The following KIAA1614 variants were observed in gnomAD, a reference collection of about 807,000 sequenced individuals.
The protein encoded by KIAA1614 is KIAA1614.
Under a neutral mutation model 88.7 loss-of-function variants are expected in KIAA1614, and 76 were observed. The observed-to-expected ratio is 0.86, with a 90% confidence interval of 0.71 to 1.04. KIAA1614 has a LOEUF of 1.04. Among genes scored for constraint, KIAA1614 ranks in the 50% least tolerant of loss-of-function variants. The pLI, the probability that KIAA1614 is intolerant of heterozygous loss-of-function variation, is 0.00. For missense variants in KIAA1614, 1,553 were observed against 1,582.5 expected, an observed-to-expected ratio of 0.98 and a Z score of 0.32; for synonymous variants, 714 against 675.5, an observed-to-expected ratio of 1.06 and a Z score of -0.88.
rs998876336 is a variant in KIAA1614 at position 180,948,073 on chromosome 1, C to T, written c.*2485C>T. 1.3e-5 allele frequency: 2 copies of T among 152,272 alleles called. No individual in the cohort carries two copies. Among genetic ancestry groups the T allele is most frequent in the African/African-American group, 4.8e-5 (2 of 41,456 alleles). 9.4% of individuals were successfully genotyped at this position (152,272 alleles called of 1,614,324 possible). On this transcript the variant is annotated 3_prime_UTR_variant, in exon 9 of 9. Coordinates refer to ENST00000367588, the MANE Select transcript of KIAA1614 (RefSeq NM_020950.2). ...AGGGGTCTCTAGTGACCCAGGGCCC[C>T]CGGCACCCTCGCCTGAGTTGGTGCC...
rs761748637 is a variant in KIAA1614, at chr1:180,916,316, GGT to G, written c.214_215del (p.Val72MetfsTer77). 1 of 1,614,074 alleles carries G rather than the reference GGT, an allele frequency of 6.2e-7. No individual in the cohort carries two copies. The highest frequency in any genetic ancestry group is 2.2e-5 in the East Asian group (1 of 44,884). On this transcript the variant is annotated frameshift_variant, in exon 2 of 9. Coordinates refer to ENST00000367588, the MANE Select transcript of KIAA1614 (RefSeq NM_020950.2). LOFTEE classifies it high-confidence loss of function. Reference protein sequence around the residue: ...SSLMAPQPPRVWGVQLQGPSV... With the variant: ...SSLMAPQPPRXWGVQLQGPSV... ...GCCTGATGGCCCCCCAGCCTCCCAG[GGT>G]ATGGGGAGTACAGCTCCAGGGCCCC...
rs766698813 is a variant in KIAA1614 at position 180,944,478 on chromosome 1, C to T, written c.3249C>T (p.Tyr1083=). 6.2e-7 allele frequency: 1 copy of T among 1,613,938 alleles called. No homozygotes were observed. The highest frequency in any genetic ancestry group is 8.5e-7 in the Non-Finnish European group (1 of 1,179,860). ...GCAAGGGGAACCGGTCCAGCCTCTA[C>T]CTGGTAGCAGGGCCAGGGGACCACA... ...LSSKGNRSSL[Y]LVAGPGDHSA... is the part of the protein sequence containing the mutation. Residue 1083 remains tyrosine, a synonymous_variant, in exon 8 of 9, where the codon TAC becomes TAT. Transcript: ENST00000367588.
At position 180,928,468 on chromosome 1, in the gene KIAA1614, G is replaced by A; in HGVS notation, c.1100G>A (p.Arg367Lys). 6.2e-7 allele frequency: 1 copy of A among 1,613,390 alleles called. No homozygotes were observed. Among genetic ancestry groups the A allele is most frequent in the East Asian group, 2.2e-5 (1 of 44,882 alleles). Reference protein sequence around the residue: ...GPNPEPVLSPRHEEATHLLQR... With the variant: ...GPNPEPVLSPKHEEATHLLQR... ...AACCCGGAGCCTGTGCTGAGCCCCA[G>A]GCATGAGGAAGCCACGCATCTGCTG... The change falls in exon 4 of 9, where the codon AGG becomes AAG. Residue 367 changes from arginine (R) to lysine (K), a missense_variant. Arg to Lys is a conservative substitution (Grantham distance 26). Coordinates refer to ENST00000367588, the MANE Select transcript of KIAA1614 (RefSeq NM_020950.2).
intron 4 of KIAA1614, among the ~76,000 whole-genome samples, chr1:180,932,961 C>G (rs959771413): frequency 2.0e-5 from 3 of 152,230 alleles, no homozygotes; most frequent in South Asian, 4.1e-4. Context: ...GGCTGGTCTT[C>G]AACTCCTGAG....
intron 7 of KIAA1614, among the ~76,000 whole-genome samples, chr1:180,941,648 T>G (rs1412686673): frequency 6.6e-6 from 1 of 152,224 alleles, no homozygotes; most frequent in Non-Finnish European, 1.5e-5. Context: ...ACTTCCCACG[T>G]GGATTCCCTC....
In KIAA1614 at chr1:180,945,914, G is replaced by T. The variant is rs775338059; in HGVS notation, c.*326G>T. The T allele has an allele frequency of 2.6e-5, 15 of 570,730 alleles. No homozygotes were observed. Among genetic ancestry groups the T allele is most frequent in the Non-Finnish European group, 3.2e-5 (14 of 431,836 alleles). 35.4% of individuals were successfully genotyped at this position (570,730 alleles called of 1,614,324 possible). A position where few individuals can be genotyped will look rare whatever the true frequency, so the allele number is the denominator to read the frequency against. On this transcript the variant is annotated 3_prime_UTR_variant, in exon 9 of 9. Coordinates refer to ENST00000367588, the MANE Select transcript of KIAA1614 (RefSeq NM_020950.2). Reference sequence around the variant, plus strand: ...GAGGTCAGGAGTTCGAGACCAGTCTGGCCCACATGGTGAAACCCATGTCTA... The same window carrying T: ...GAGGTCAGGAGTTCGAGACCAGTCTTGCCCACATGGTGAAACCCATGTCTA...
Position 180,945,877 on chromosome 1 carries a change from C to G in KIAA1614, c.*289C>G. 9.8e-7 allele frequency: 1 copy of G among 1,019,784 alleles called. No homozygotes were observed. Among genetic ancestry groups the G allele is most frequent in the Non-Finnish European group, 1.2e-6 (1 of 819,520 alleles). 63.2% of individuals were successfully genotyped at this position (1,019,784 alleles called of 1,614,324 possible). ...CCCAGAACTTTGGGAGGCCGAGGCG[C>G]CTGGATCACCTGAGGTCAGGAGTTC... On this transcript the variant is annotated 3_prime_UTR_variant, in exon 9 of 9. Transcript: ENST00000367588.
At chr1:180,928,685 T>C (rs917909803) in intron 4 of KIAA1614, 112 bp downstream of exon 4, 1 of 1,195,722 alleles carries the variant, frequency 8.4e-7, no homozygotes, top group South Asian at 1.6e-5. Context: ...CATGTGTGTG[T>C]GTGTCTGTGT....
Position 180,935,930 on chromosome 1 carries a change from A to C in KIAA1614, c.2021A>C (p.Gln674Pro). The C allele has an allele frequency of 6.2e-7, 1 of 1,614,060 alleles. No homozygotes were observed. Reference protein sequence around the residue: ...EAELPWGLQAQQHLPRADDVE... With the variant: ...EAELPWGLQAPQHLPRADDVE... ...GAGCTCCCTTGGGGCCTTCAGGCCCAGCAACACCTGCCTAGGGCTGATGAT... is the reference window on the plus strand; with the variant it reads ...GAGCTCCCTTGGGGCCTTCAGGCCCCGCAACACCTGCCTAGGGCTGATGAT... The change falls in exon 5 of 9, where the codon CAG (glutamine) becomes CCG (proline). Residue 674 changes from glutamine (Q) to proline (P), a missense_variant. Coordinates refer to ENST00000367588, the MANE Select transcript of KIAA1614 (RefSeq NM_020950.2). The surrounding 1 kb of genome is among the most constrained non-coding windows in gnomAD (Gnocchi z 6.1).
intron 8 of KIAA1614, 57 bp downstream of exon 8, chr1:180,944,573 A>G (rs1476989458): frequency 7.0e-6 from 11 of 1,577,012 alleles, no homozygotes; most frequent in Non-Finnish European, 8.7e-6. Flanking sequence ...AGCGGAGCCA[A>G]AAGCTTAACT....
Position 180,935,210 on chromosome 1 carries a change from A to G in KIAA1614, c.1301A>G (p.Glu434Gly). ...CACACGAGCGATTCCTCCAGCGGAG[A>G]GTCCAGCGGTGGGCACAGGCCGAGG... ...NGHTSDSSSG[E>G]SSGGHRPRRG... The change falls in exon 5 of 9, where the codon GAG becomes GGG. Residue 434 changes from glutamate (E) to glycine (G), a missense_variant. By Grantham distance (98) the Glu-to-Gly change is moderately conservative. Coordinates refer to ENST00000367588, the MANE Select transcript of KIAA1614 (RefSeq NM_020950.2). This position sits in a 1 kb window ranked among gnomAD's most constrained non-coding sequence, Gnocchi z 6.1. 2.0e-6 allele frequency: 3 copies of G among 1,510,812 alleles called. No homozygotes were observed. Among genetic ancestry groups the G allele is most frequent in the Non-Finnish European group, 1.8e-6 (2 of 1,130,558 alleles). The allele number at this position is 1,510,812 out of a possible 1,614,324, so 93.6% of individuals were successfully genotyped here. A position where few individuals can be genotyped will look rare whatever the true frequency, so the allele number is the denominator to read the frequency against.
In KIAA1614 at chr1:180,917,545, A is replaced by G. The variant is rs139155543; in HGVS notation, c.998-306A>G. On this transcript the variant is annotated intron_variant, in intron 2 of 8. Transcript: ENST00000367588. ...GGGCTGAGCTCAGACGGTAGCACCA[A>G]TGGGATGTACAAGTGTCCAAACCCT... 5.9e-3 allele frequency among the ~76,000 whole-genome samples: 898 copies of G among 152,186 alleles called. 9 individuals carry two copies. Among genetic ancestry groups the G allele is most frequent in the African/African-American group, 0.021 (860 of 41,520 alleles).
chr1:180,943,714 AT>A (rs1157076632), intron 7 of KIAA1614, among the ~76,000 whole-genome samples: 2 of 151,530 alleles, frequency 1.3e-5, no homozygotes, highest in African/African-American at 4.9e-5. Context: ...TGCCCGGCTA[AT>A]TTTTGTAATT....
chr1:180,916,874 A>G lies in KIAA1614; in HGVS notation c.771A>G (p.Thr257=). ...GVVTEADLDS[T]SLTSEEVFVP... is the part of the protein sequence containing the mutation. The stretch of plus-strand genomic sequence containing the variant: ...TGACAGAGGCAGATCTGGATAGCAC[A>G]TCCCTGACCTCCGAGGAGGTCTTTG... Residue 257 remains threonine, a synonymous_variant, in exon 2 of 9, where the codon ACA becomes ACG. Coordinates refer to ENST00000367588, the MANE Select transcript of KIAA1614 (RefSeq NM_020950.2). 1 of 1,614,228 alleles carries G rather than the reference A, an allele frequency of 6.2e-7. No individual in the cohort carries two copies. The highest frequency in any genetic ancestry group is 2.2e-5 in the East Asian group (1 of 44,882).
At position 180,946,964 on chromosome 1, in the gene KIAA1614, C is replaced by G. The variant is rs925648104; in HGVS notation, c.*1376C>G. 6.6e-6 allele frequency: 1 copy of G among 152,258 alleles called. No individual in the cohort carries two copies. Among genetic ancestry groups the G allele is most frequent in the Non-Finnish European group, 1.5e-5 (1 of 68,078 alleles). The allele number at this position is 152,258 out of a possible 1,614,324, so 9.4% of individuals were successfully genotyped here. A position where few individuals can be genotyped will look rare whatever the true frequency, so the allele number is the denominator to read the frequency against. On this transcript the variant is annotated 3_prime_UTR_variant, in exon 9 of 9. Coordinates refer to ENST00000367588, the MANE Select transcript of KIAA1614 (RefSeq NM_020950.2). Reference sequence around the variant, plus strand: ...GTTATGTATAATGTGCTACGTATGTCAGATGGTGAAAAGAAAGTTCTGAGA... The same window carrying G: ...GTTATGTATAATGTGCTACGTATGTGAGATGGTGAAAAGAAAGTTCTGAGA...
chr1:180,921,027 G>A (rs910568237), intron 3 of KIAA1614, among the ~76,000 whole-genome samples: 3 of 152,276 alleles, frequency 2.0e-5, no homozygotes, highest in South Asian at 2.1e-4. Flanking sequence ...TATTTTTCAC[G>A]CACGTCCGTG....
rs778194258 is a variant in KIAA1614 at position 180,916,466 on chromosome 1, C to G, written c.363C>G (p.Gly121=). ...CCAAGAAACCCCAATGCAGACGAGG[C>G]AAGGCAGGGAGAGCCGGGACTCCAT... ...SSPKKPQCRR[G]KAGRAGTPSE... Residue 121 remains glycine (G), a synonymous_variant, in exon 2 of 9, where the codon GGC becomes GGG. Transcript: ENST00000367588. 6.2e-7 allele frequency: 1 copy of G among 1,614,190 alleles called. No individual in the cohort carries two copies. The highest frequency in any genetic ancestry group is 1.1e-5 in the South Asian group (1 of 91,084).
At chr1:180,936,712 G>T in intron 5 of KIAA1614, 42 bp downstream of exon 5, 1 of 1,369,268 alleles carries the variant, frequency 7.3e-7, no homozygotes. Context: ...CAGGCCTGGT[G>T]TGGTTCTACA....
chr1:180,940,333 T>G (rs1325448205), intron 6 of KIAA1614, among the ~76,000 whole-genome samples: 1 of 152,192 alleles, frequency 6.6e-6, no homozygotes. Flanking sequence ...AAGCCCTGTC[T>G]GTACTAAAAA....
Sources: allele counts gnomAD v4.1 joint callset (sites outside exome capture counted in the v4.1 genomes callset), GRCh38; gene constraint gnomAD v4.1.1; non-coding constraint Gnocchi (gnomAD v3.1); transcripts MANE v1.5; gene names NCBI Gene and HGNC (gene_info 2026-07-23, HGNC 2026-07-21).